The following SNIP1 variants were observed in gnomAD, a reference collection of about 807,000 sequenced individuals.
The protein encoded by SNIP1 is Smad nuclear interacting protein 1, also known as smad nuclear-interacting protein 1.
Under a neutral mutation model 37.4 loss-of-function variants are expected in SNIP1, and 23 were observed. The ratio of observed to expected loss-of-function variants is 0.61; its 90% CI spans 0.44 to 0.87. The LOEUF (loss-of-function observed/expected upper bound fraction) is 0.87, where lower values mean the gene tolerates loss of function less well. Ranked by LOEUF, SNIP1 falls within the 40% of genes least tolerant of loss-of-function variation. The pLI is 0.00. For synonymous variants in SNIP1, 174 were observed against 200.0 expected (o/e 0.87, Z 1.10); for missense variants, 459 against 540.4 (o/e 0.85, Z 1.49).
At chr1:37,542,655 G>A (rs746961484) in intron 2 of SNIP1, among the ~76,000 whole-genome samples, 10 of 152,094 alleles carry the variant, frequency 6.6e-5, no homozygotes, top group Middle Eastern at 3.2e-3. Context: ...TGGGAGGATC[G>A]CTTGAGCCTG....
Position 37,536,409 on chromosome 1 carries a change from T to C in SNIP1, c.*1339A>G, listed in dbSNP as rs888127970. On this transcript the variant is annotated 3_prime_UTR_variant, in exon 4 of 4. Coordinates refer to ENST00000296215, the MANE Select transcript of SNIP1 (RefSeq NM_024700.4). ...TGACTTGGAGGCCAACGATATAACCTGCCCCACAACACTCTAAAACAGCTA... is the reference window on the plus strand; with the variant it reads ...TGACTTGGAGGCCAACGATATAACCCGCCCCACAACACTCTAAAACAGCTA... 6.6e-6 allele frequency: 1 copy of C among 152,140 alleles called. No homozygotes were observed. The highest frequency in any genetic ancestry group is 1.5e-5 in the Non-Finnish European group (1 of 68,030). The allele number at this position is 152,140 out of a possible 1,614,324, so 9.4% of individuals were successfully genotyped here.
In SNIP1 at chr1:37,535,664, A is replaced by G. The variant is rs1291490316; in HGVS notation, c.*2084T>C. 1 of 152,176 alleles carries G rather than the reference A, an allele frequency of 6.6e-6. No individual in the cohort carries two copies. The highest frequency in any genetic ancestry group is 2.4e-5 in the African/African-American group (1 of 41,444). The allele number at this position is 152,176 out of a possible 1,614,324, so 9.4% of individuals were successfully genotyped here. A position where few individuals can be genotyped will look rare whatever the true frequency, so the allele number is the denominator to read the frequency against. ...TACCAGATTAGTGCTTAAACCCTCA[A>G]GAGAAAACCGTCAGTCTGGATCAAG... On this transcript the variant is annotated 3_prime_UTR_variant, in exon 4 of 4. Coordinates refer to ENST00000296215, the MANE Select transcript of SNIP1 (RefSeq NM_024700.4).
rs553457093 is a variant in SNIP1 at position 37,537,488 on chromosome 1, T to C, written c.*260A>G. On this transcript the variant is annotated 3_prime_UTR_variant, in exon 4 of 4. Transcript: ENST00000296215. Reference sequence around the variant, plus strand: ...CCACAACACTTCTACTAAAACACGGTGTGTTGTAATTGGTGAGACTGTTCT... The same window carrying C: ...CCACAACACTTCTACTAAAACACGGCGTGTTGTAATTGGTGAGACTGTTCT... 1.2e-4 allele frequency: 54 copies of C among 434,050 alleles called. No individual in the cohort carries two copies. Among genetic ancestry groups the C allele is most frequent in the African/African-American group, 9.9e-4 (50 of 50,386 alleles). 26.9% of individuals were successfully genotyped at this position (434,050 alleles called of 1,614,324 possible). A position where few individuals can be genotyped will look rare whatever the true frequency, so the allele number is the denominator to read the frequency against.
In SNIP1 at chr1:37,540,364, C is replaced by T. The variant is rs1260406513; in HGVS notation, c.719G>A (p.Arg240Gln). The change falls in exon 3 of 4, where the codon CGG (arginine) becomes CAG (glutamine). Residue 240 changes from arginine to glutamine, a missense_variant. Transcript: ENST00000296215. The surrounding 1 kb of genome is among the most constrained non-coding windows in gnomAD (Gnocchi z 5.6). ...CTCACTATATTTAATGACTACACCC[C>T]GGAAAGTGTTGGTGTCCTCAAGAAG... ...GALLEDTNTF[R>Q]GVVIKYSEPP... 3.1e-6 allele frequency: 5 copies of T among 1,614,070 alleles called. No individual in the cohort carries two copies. The highest frequency in any genetic ancestry group is 4.2e-6 in the Non-Finnish European group (5 of 1,180,010).
intron 3 of SNIP1, among the ~76,000 whole-genome samples, chr1:37,539,693 A>G (rs1383406906): frequency 6.6e-6 from 1 of 152,186 alleles, no homozygotes; most frequent in East Asian, 1.9e-4. Flanking sequence ...CTGGGCACAG[A>G]ACGAGACTCC....
At position 37,541,117 on chromosome 1, in the gene SNIP1, GAGTT is replaced by G. The variant is rs1404738596; in HGVS notation, c.328-366_328-363del. ...AAGAATATACAGAAAATAGAACTAA[GAGTT>G]AAGTAGTCAGGTACAAGATATGTAA... On this transcript the variant is annotated intron_variant, in intron 2 of 3. Transcript: ENST00000296215. 4 of 177,262 alleles carry G rather than the reference GAGTT, an allele frequency of 2.3e-5. 1 individual carries two copies. Among genetic ancestry groups the G allele is most frequent in the East Asian group, 3.1e-4 (2 of 6,514 alleles). 11.0% of individuals were successfully genotyped at this position (177,262 alleles called of 1,614,324 possible).
At chr1:37,546,969 C>T (rs1643246393) in intron 2 of SNIP1, among the ~76,000 whole-genome samples, 1 of 152,214 alleles carries the variant, frequency 6.6e-6, no homozygotes, top group African/African-American at 2.4e-5. Context: ...TCTTTCCAGT[C>T]TTCTTTGCTG....
intron 2 of SNIP1, among the ~76,000 whole-genome samples, chr1:37,550,232 T>A (rs776257567): frequency 2.0e-5 from 3 of 152,162 alleles, no homozygotes; most frequent in Non-Finnish European, 4.4e-5. Flanking sequence ...ACAGATAAGC[T>A]GGACTTCATT....
chr1:37,552,856 T>C, intron 1 of SNIP1, 109 bp from the exon 2 acceptor site: 1 of 853,062 alleles, frequency 1.2e-6, no homozygotes, highest in Non-Finnish European at 2.0e-6. Context: ...TTTGTGAAGG[T>C]CTCTGCCGGT....
Position 37,535,021 on chromosome 1 carries a change from T to C in SNIP1, c.*2727A>G, listed in dbSNP as rs1351689597. 1 of 150,178 alleles carries C rather than the reference T, an allele frequency of 6.7e-6. No homozygotes were observed. The highest frequency in any genetic ancestry group is 1.5e-5 in the Non-Finnish European group (1 of 67,734). The allele number at this position is 150,178 out of a possible 1,614,324, so 9.3% of individuals were successfully genotyped here. A position where few individuals can be genotyped will look rare whatever the true frequency, so the allele number is the denominator to read the frequency against. On this transcript the variant is annotated 3_prime_UTR_variant, in exon 4 of 4. Transcript: ENST00000296215. ...TGGCTTTAGAGGCAGGTAATGTCTT[T>C]TGACACCCTTTCTTCAAAGAAAGGG... is the stretch of plus-strand genomic sequence containing the variant.
intron 2 of SNIP1, among the ~76,000 whole-genome samples, chr1:37,546,305 TG>T (rs1419535699): frequency 6.6e-6 from 1 of 152,118 alleles, no homozygotes; most frequent in African/African-American, 2.4e-5. Flanking sequence ...TTTACAAGCT[TG>T]CCACTGCTAT....
At chr1:37,539,573 G>T (rs866662203) in intron 3 of SNIP1, among the ~76,000 whole-genome samples, 17 of 152,314 alleles carry the variant, frequency 1.1e-4, no homozygotes, top group African/African-American at 4.1e-4. Context: ...AGCTGGGTGT[G>T]CTGGTGTGTG....
intron 2 of SNIP1, chr1:37,544,768 G>A (rs535626654): frequency 8.4e-6 from 6 of 711,192 alleles, no homozygotes; most frequent in African/African-American, 5.2e-5. Context: ...CCACCATGAC[G>A]ACTGCGCGTC....
Position 37,554,034 on chromosome 1 carries a change from G to A in SNIP1, c.196C>T (p.Arg66Cys). The change falls in exon 1 of 4, where the codon CGC (arginine) becomes TGC (cysteine). Residue 66 changes from arginine (R) to cysteine (C), a missense_variant. Arg to Cys is a radical substitution (Grantham distance 180). Coordinates refer to ENST00000296215, the MANE Select transcript of SNIP1 (RefSeq NM_024700.4). ...PTSEPARSGH[R>C]GNRARGVSRS... ...CTAACTCCTCGGGCTCGGTTCCCGC[G>A]GTGGCCCGAGCGGGCCGGCTCGCTG... 4 of 1,579,210 alleles carry A rather than the reference G, an allele frequency of 2.5e-6. No individual in the cohort carries two copies. The highest frequency in any genetic ancestry group is 2.6e-6 in the Non-Finnish European group (3 of 1,162,970).
chr1:37,552,669 G>A lies in SNIP1; in HGVS notation c.303C>T (p.His101=), dbSNP rs529083999. 1.2e-6 allele frequency: 2 copies of A among 1,614,182 alleles called. No individual in the cohort carries two copies. The highest frequency in any genetic ancestry group is 1.3e-5 in the African/African-American group (1 of 75,046). The part of the protein sequence containing the change: ...SPRSKRNRSP[H]HSTVKVKQER... ...CCTGCTTCACTTTGACTGTTGAGTG[G>A]TGAGGACTTCGGTTTCTCTTACTGC... is the stretch of plus-strand genomic sequence containing the variant. The change falls in exon 2 of 4, where the codon CAC becomes CAT. Residue 101 remains histidine, a synonymous_variant. Coordinates refer to ENST00000296215, the MANE Select transcript of SNIP1 (RefSeq NM_024700.4).
Position 37,553,207 on chromosome 1 carries a change from T to C in SNIP1, c.225-460A>G, listed in dbSNP as rs138909210. On this transcript the variant is annotated intron_variant, in intron 1 of 3. Transcript: ENST00000296215. ...CGACACTGGCTTTTTCCCATTTCAA[T>C]CATAATTCATTCTACTTCAGGTTCT... Among the ~76,000 whole-genome samples, 328 of 152,240 alleles carry C rather than the reference T, an allele frequency of 2.2e-3. 1 individual carries two copies. Among genetic ancestry groups the C allele is most frequent in the African/African-American group, 7.4e-3 (309 of 41,524 alleles).
At chr1:37,544,378 G>A (rs767899531) in intron 2 of SNIP1, among the ~76,000 whole-genome samples, 2 of 150,622 alleles carry the variant, frequency 1.3e-5, no homozygotes, top group Admixed American at 6.6e-5. Flanking sequence ...CTCGGAGGGC[G>A]GAGGTTGCAG....
intron 2 of SNIP1, chr1:37,544,899 AC>A: frequency 9.7e-7 from 1 of 1,033,692 alleles, no homozygotes; most frequent in Non-Finnish European, 1.5e-6. Flanking sequence ...GCTTTGAAGA[AC>A]TTTGCCAAAT....
At chr1:37,539,888 C>T (rs181289852) in intron 3 of SNIP1, among the ~76,000 whole-genome samples, 3 of 152,142 alleles carry the variant, frequency 2.0e-5, no homozygotes, top group African/African-American at 4.8e-5. Context: ...AGGAGGTTGC[C>T]GCTGGAGTGA....
Sources: allele counts gnomAD v4.1 joint callset (sites outside exome capture counted in the v4.1 genomes callset), GRCh38; gene constraint gnomAD v4.1.1; non-coding constraint Gnocchi (gnomAD v3.1); transcripts MANE v1.5; gene names NCBI Gene and HGNC (gene_info 2026-07-23, HGNC 2026-07-21).